Variants in ZNF487 observed in about 807,000 individuals in gnomAD.
ZNF487 encodes the protein zinc finger protein 487.
A neutral mutation model predicts 3.0 loss-of-function variants in ZNF487; 4 were observed. The ratio of observed to expected loss-of-function variants is 1.35; its 90% CI spans 0.66 to 3.08. The LOEUF (loss-of-function observed/expected upper bound fraction) is 3.08, where lower values mean the gene tolerates loss of function less well. ZNF487 is among the 30% of genes most tolerant of loss of function. The pLI is 0.01. For synonymous variants in ZNF487, 55 were observed against 34.6 expected (o/e 1.59, Z -2.06); for missense variants, 146 against 98.7 (o/e 1.48, Z -2.03).
chr10:43,498,102 TTTTTTTTTTTTC>T, the ZNF487 span, among the ~76,000 whole-genome samples: 723 of 11,222 alleles, frequency 0.064, 33 homozygotes, highest in East Asian at 0.12. Context: ...TATATATATT[TTTTTTTTTTTTC>T]TTTTTTTTTT....
rs371963397 is a variant in ZNF487 at position 43,470,108 on chromosome 10, G to A, written c.-93-5613G>A. Reference sequence around the variant, plus strand: ...GACATTTGCTTTATTGCAGTGGTCCGGAACTGAATGCACATTATCTTTGAG... The same window carrying A: ...GACATTTGCTTTATTGCAGTGGTCCAGAACTGAATGCACATTATCTTTGAG... On this transcript the variant is annotated intron_variant, in intron 1 of 3. Transcript: ENST00000437590. Among the ~76,000 whole-genome samples, 37 of 152,234 alleles carry A rather than the reference G, an allele frequency of 2.4e-4. 1 individual carries two copies. The East Asian group carries it at 6.0e-3, about 25-fold the overall frequency.
At chr10:43,489,049 G>A in the ZNF487 span, among the ~76,000 whole-genome samples, 4 of 152,164 alleles carry the variant, frequency 2.6e-5, no homozygotes, top group African/African-American at 4.8e-5. Flanking sequence ...GGTCAATGGT[G>A]TGGTGAACAG....
chr10:43,510,249 A>G, the ZNF487 span, among the ~76,000 whole-genome samples: 2 of 152,162 alleles, frequency 1.3e-5, no homozygotes, highest in Non-Finnish European at 2.9e-5. Flanking sequence ...ACCTTCATCT[A>G]TTACCCATTC....
chr10:43,436,931 C>A (rs952662115), upstream of ZNF487: 1 of 467,612 alleles, frequency 2.1e-6, no homozygotes, highest in Non-Finnish European at 4.4e-6. Context: ...CTGAAGAAGG[C>A]TGGGGTAAGA....
downstream of ZNF487, among the ~76,000 whole-genome samples, chr10:43,483,432 G>C (rs1841437041): frequency 6.6e-6 from 1 of 151,630 alleles, no homozygotes. Flanking sequence ...TAGAGACGGG[G>C]TTTCACCATG....
At chr10:43,504,014 CTA>C in the ZNF487 span, among the ~76,000 whole-genome samples, 1 of 152,170 alleles carries the variant, frequency 6.6e-6, no homozygotes, top group South Asian at 2.1e-4. Flanking sequence ...TAGTCACATG[CTA>C]TACAGGTTTG....
At chr10:43,491,823 A>T in the ZNF487 span, among the ~76,000 whole-genome samples, 1 of 151,882 alleles carries the variant, frequency 6.6e-6, no homozygotes, top group African/African-American at 2.4e-5. Flanking sequence ...CCAGATAGCG[A>T]ATATTTTATG....
intron 1 of ZNF487, among the ~76,000 whole-genome samples, chr10:43,448,939 A>G (rs1839907166): frequency 6.8e-6 from 1 of 146,578 alleles, no homozygotes; most frequent in African/African-American, 2.5e-5. Context: ...GGCTGTGGTG[A>G]GCTCTGATTG....
At chr10:43,501,309 G>A in the ZNF487 span, among the ~76,000 whole-genome samples, 1 of 152,182 alleles carries the variant, frequency 6.6e-6, no homozygotes, top group Admixed American at 6.5e-5. Context: ...TGGTGAGTGT[G>A]AAGGCCTAGT....
the ZNF487 span, among the ~76,000 whole-genome samples, chr10:43,495,431 A>G: frequency 6.6e-6 from 1 of 152,098 alleles, no homozygotes; most frequent in East Asian, 1.9e-4. Flanking sequence ...TTTAGTAGAG[A>G]TGGGGTTTCA....
intron 1 of ZNF487, among the ~76,000 whole-genome samples, chr10:43,457,447 C>G (rs1330430548): frequency 6.6e-6 from 1 of 150,476 alleles, no homozygotes; most frequent in African/African-American, 2.5e-5. Context: ...CCCAGCTACT[C>G]CAGAGGCTGA....
chr10:43,490,961 A>G, the ZNF487 span, among the ~76,000 whole-genome samples: 2 of 129,930 alleles, frequency 1.5e-5, no homozygotes, highest in Non-Finnish European at 1.6e-5. Flanking sequence ...GGCATGAGCC[A>G]CCATGCCTGG....
At chr10:43,492,382 ATG>A in the ZNF487 span, among the ~76,000 whole-genome samples, 1 of 151,862 alleles carries the variant, frequency 6.6e-6, no homozygotes, top group Admixed American at 6.6e-5. Flanking sequence ...ATCTTTGAAA[ATG>A]TGTTTCACAT....
chr10:43,477,406 G>T (rs537349964), intron 3 of ZNF487, among the ~76,000 whole-genome samples: 7 of 152,024 alleles, frequency 4.6e-5, no homozygotes, highest in Middle Eastern at 3.4e-3. Flanking sequence ...TGTTGGCCAA[G>T]CTGGTCTCAA....
At chr10:43,520,498 C>T in the ZNF487 span, among the ~76,000 whole-genome samples, 1 of 152,286 alleles carries the variant, frequency 6.6e-6, no homozygotes, top group Admixed American at 6.5e-5. Context: ...TGATTTACTA[C>T]TCATTCAGAT....
downstream of ZNF487, among the ~76,000 whole-genome samples, chr10:43,487,291 G>A (rs2132164547): frequency 6.6e-6 from 1 of 151,564 alleles, no homozygotes; most frequent in Non-Finnish European, 1.5e-5. Context: ...AGACGCGTGC[G>A]ACCATGCCTG....
upstream of ZNF487, chr10:43,437,048 G>C (rs1564408582): frequency 3.0e-6 from 1 of 334,642 alleles, no homozygotes; most frequent in Non-Finnish European, 6.1e-6. Context: ...CGGAAGCGCA[G>C]GGAGCGCTGG....
chr10:43,502,390 G>T, the ZNF487 span, among the ~76,000 whole-genome samples: 4 of 152,124 alleles, frequency 2.6e-5, no homozygotes, highest in African/African-American at 9.7e-5. Flanking sequence ...CGTGGGGTGG[G>T]GGGGGATAGC....
chr10:43,456,950 C>G (rs529007275), intron 1 of ZNF487, among the ~76,000 whole-genome samples: 49 of 152,270 alleles, frequency 3.2e-4, no homozygotes, highest in African/African-American at 9.9e-4. Flanking sequence ...TTCCAGATAC[C>G]GAGAGCTTCC....
Sources: gnomAD v4.1 joint callset for allele counts (sites outside exome capture counted in the v4.1 genomes callset) on GRCh38, gnomAD v4.1.1 for gene constraint, MANE v1.5 for transcripts, NCBI Gene and HGNC (gene_info 2026-07-23, HGNC 2026-07-21) for gene names.